The following SPAG16 variants were observed in gnomAD, a reference collection of about 807,000 sequenced individuals.
SPAG16 encodes sperm-associated antigen 16 protein.
In SPAG16, 86 loss-of-function variants were observed where a neutral mutation model predicts 80.4. The observed-to-expected ratio is 1.07, with a 90% CI of 0.90 to 1.28. The LOEUF is 1.28. Ranked by LOEUF, SPAG16 falls within the 50% of genes most tolerant of loss-of-function variation. The pLI is 0.00. For missense variants in SPAG16, 870 were observed against 765.3 expected, an observed-to-expected ratio of 1.14 and a Z score of -1.61; for synonymous variants, 294 against 265.9, an observed-to-expected ratio of 1.11 and a Z score of -1.03.
intron 12 of SPAG16, among the ~76,000 whole-genome samples, chr2:213,951,789 T>C (rs1344173876): frequency 1.3e-5 from 2 of 152,154 alleles, no homozygotes; most frequent in Non-Finnish European, 2.9e-5. Context: ...CACATTCATA[T>C]TTAAGCTTTC....
chr2:214,177,072 G>T (rs749935762), intron 15 of SPAG16, among the ~76,000 whole-genome samples: 3 of 151,142 alleles, frequency 2.0e-5, no homozygotes, highest in Non-Finnish European at 3.0e-5. Context: ...CAAGAATTAT[G>T]TTTGGAATAA....
At chr2:213,842,304 A>G (rs1206721403) in intron 10 of SPAG16, among the ~76,000 whole-genome samples, 1 of 152,128 alleles carries the variant, frequency 6.6e-6, no homozygotes, top group Non-Finnish European at 1.5e-5. Context: ...TATTTTGAAC[A>G]TAGGTTATTT....
chr2:213,332,724 G>T (rs1323479393), intron 5 of SPAG16, among the ~76,000 whole-genome samples: 1 of 152,092 alleles, frequency 6.6e-6, no homozygotes, highest in East Asian at 1.9e-4. Flanking sequence ...TTCAACATAT[G>T]CAAGTTAATC....
chr2:214,234,279 A>T lies in SPAG16; in HGVS notation c.1720+85013A>T, dbSNP rs370139997. 3.6e-4 allele frequency among the ~76,000 whole-genome samples: 54 copies of T among 152,000 alleles called. 1 individual carries two copies. In the South Asian group the frequency reaches 0.011, roughly 30 times the overall value. ...TATATGTACCACATTTTCTTTATCA[A>T]ATCTATCATTGATGGGCATTTAGGT... On this transcript the variant is annotated intron_variant, in intron 15 of 15. Transcript: ENST00000331683.
chr2:213,401,659 A>G (rs1291622843), intron 9 of SPAG16, among the ~76,000 whole-genome samples: 1 of 152,178 alleles, frequency 6.6e-6, no homozygotes, highest in East Asian at 1.9e-4. Context: ...AGGAATTAGT[A>G]TATAGTGGGC....
intron 15 of SPAG16, among the ~76,000 whole-genome samples, chr2:214,381,168 T>C (rs1363129220): frequency 2.6e-5 from 4 of 152,236 alleles, no homozygotes; most frequent in African/African-American, 7.2e-5. Context: ...TCAGGGCTTG[T>C]ACAGAGAACA....
chr2:213,426,477 C>T (rs2371964), intron 9 of SPAG16, among the ~76,000 whole-genome samples: 10,297 of 145,626 alleles, frequency 0.071, 1,133 homozygotes, highest in African/African-American at 0.25. Context: ...TCTAATGATT[C>T]TTTTTTCCTA....
chr2:213,524,838 G>T (rs2075826626), intron 10 of SPAG16, among the ~76,000 whole-genome samples: 1 of 152,178 alleles, frequency 6.6e-6, no homozygotes, highest in African/African-American at 2.4e-5. Context: ...TCTAAGAAGA[G>T]ACTTTGGACT....
chr2:214,142,973 G>A (rs1173372292), intron 14 of SPAG16, among the ~76,000 whole-genome samples: 1 of 152,004 alleles, frequency 6.6e-6, no homozygotes, highest in Non-Finnish European at 1.5e-5. Context: ...TTGTGTTTCT[G>A]TTCTGTTTTT....
chr2:213,387,337 A>C (rs1363755622), intron 9 of SPAG16, among the ~76,000 whole-genome samples: 7 of 150,900 alleles, frequency 4.6e-5, no homozygotes, highest in Non-Finnish European at 2.9e-5. Flanking sequence ...AATAGAAAGG[A>C]AATTAGAAAA....
chr2:213,670,681 T>C (rs1228369109), intron 10 of SPAG16, among the ~76,000 whole-genome samples: 1 of 152,204 alleles, frequency 6.6e-6, no homozygotes, highest in Non-Finnish European at 1.5e-5. Context: ...TCTGTCTAAC[T>C]AGTGCTGATT....
chr2:213,471,754 C>A (rs976808435), intron 9 of SPAG16, among the ~76,000 whole-genome samples: 10 of 152,136 alleles, frequency 6.6e-5, no homozygotes, highest in Non-Finnish European at 1.5e-5. Flanking sequence ...AAACTGGCAG[C>A]CTTTTGGGTA....
At chr2:213,300,874 AATTCT>A (rs2062714081) in intron 3 of SPAG16, among the ~76,000 whole-genome samples, 1 of 152,120 alleles carries the variant, frequency 6.6e-6, no homozygotes, top group Non-Finnish European at 1.5e-5. Context: ...CATTTTATAG[AATTCT>A]ATTCTCAGAA....
At chr2:213,408,075 A>T (rs2068762193) in intron 9 of SPAG16, among the ~76,000 whole-genome samples, 1 of 151,854 alleles carries the variant, frequency 6.6e-6, no homozygotes, top group Non-Finnish European at 1.5e-5. Context: ...GGCAGGAGAG[A>T]GAGAAAGAGA....
At chr2:214,160,826 G>A (rs1482838633) in intron 15 of SPAG16, among the ~76,000 whole-genome samples, 1 of 151,958 alleles carries the variant, frequency 6.6e-6, no homozygotes, top group Non-Finnish European at 1.5e-5. Context: ...CTGTCTACTT[G>A]ATAGTATTTC....
intron 15 of SPAG16, among the ~76,000 whole-genome samples, chr2:214,168,026 T>C (rs1465873406): frequency 2.0e-5 from 3 of 149,740 alleles, no homozygotes; most frequent in Non-Finnish European, 1.5e-5. Context: ...AGTCTTGCTC[T>C]GTCACCCAGG....
chr2:214,015,146 G>A (rs961397062), intron 13 of SPAG16, among the ~76,000 whole-genome samples: 2 of 152,170 alleles, frequency 1.3e-5, no homozygotes, highest in Non-Finnish European at 1.5e-5. Flanking sequence ...GTTTTCAGCC[G>A]CCTAACATCG....
At chr2:214,358,021 C>T (rs1007144497) in intron 15 of SPAG16, among the ~76,000 whole-genome samples, 1 of 151,952 alleles carries the variant, frequency 6.6e-6, no homozygotes, top group African/African-American at 2.4e-5. Context: ...CTACCCAGAA[C>T]CATGCTGGAA....
chr2:213,463,731 C>T (rs892146760), intron 9 of SPAG16, among the ~76,000 whole-genome samples: 11 of 152,250 alleles, frequency 7.2e-5, no homozygotes, highest in African/African-American at 2.7e-4. Flanking sequence ...AGGGGCGGAG[C>T]CCTCATGGAG....
Sources: allele counts gnomAD v4.1 joint callset (sites outside exome capture counted in the v4.1 genomes callset), GRCh38; gene constraint gnomAD v4.1.1; transcripts MANE v1.5; gene names NCBI Gene and HGNC (gene_info 2026-07-23, HGNC 2026-07-21).